The following ACO1 variants were observed in gnomAD, a reference collection of about 807,000 sequenced individuals.
ACO1 encodes cytoplasmic aconitate hydratase.
In ACO1, 78 loss-of-function variants were observed where a neutral mutation model predicts 105.1. That is an observed-to-expected ratio of 0.74 (90% CI 0.62 to 0.90). The LOEUF (loss-of-function observed/expected upper bound fraction) is 0.90, where lower values mean the gene tolerates loss of function less well. Ranked by LOEUF, ACO1 falls within the 40% of genes least tolerant of loss-of-function variation. ACO1 has a pLI of 0.00. For synonymous variants in ACO1, 364 were observed against 397.4 expected (o/e 0.92, Z 1.00); for missense variants, 965 against 1,111.1 (o/e 0.87, Z 1.87).
At chr9:32,412,293 C>A (rs4879583) in intron 4 of ACO1, among the ~76,000 whole-genome samples, 20,692 of 152,136 alleles carry the variant, frequency 0.14, 1,653 homozygotes, top group East Asian at 0.34. Flanking sequence ...ACATAAGCTA[C>A]ATGGAAAATG....
chr9:32,407,699 G>A (rs1318216386), intron 3 of ACO1, among the ~76,000 whole-genome samples: 2 of 152,194 alleles, frequency 1.3e-5, no homozygotes, highest in African/African-American at 4.8e-5. Context: ...AAAGATCCTA[G>A]TCCTGAGTAT....
At chr9:32,428,053 T>C (rs1022467624) in intron 12 of ACO1, among the ~76,000 whole-genome samples, 1 of 151,980 alleles carries the variant, frequency 6.6e-6, no homozygotes, top group Non-Finnish European at 1.5e-5. Flanking sequence ...GGCAAGAGGA[T>C]TGCTTCAAGC....
Position 32,454,315 on chromosome 9 carries a change from T to G in ACO1, c.*4204T>G, listed in dbSNP as rs973353352. 14 of 152,210 alleles carry G rather than the reference T, an allele frequency of 9.2e-5. No homozygotes were observed. Among genetic ancestry groups the G allele is most frequent in the Non-Finnish European group, 1.6e-4 (11 of 68,044 alleles). The allele number at this position is 152,210 out of a possible 1,614,324, so 9.4% of individuals were successfully genotyped here. On this transcript the variant is annotated 3_prime_UTR_variant, in exon 21 of 21. Coordinates refer to ENST00000309951, the MANE Select transcript of ACO1 (RefSeq NM_002197.3). ...AGGATACTCTTGAGAAACATTGAGC[T>G]ATGGTTGGTCTGTTGTTTGAAATTC...
At chr9:32,425,771 C>G (rs1822076842) in intron 10 of ACO1, 67 bp from the exon 11 acceptor site, 2 of 1,168,230 alleles carry the variant, frequency 1.7e-6, no homozygotes, top group South Asian at 1.6e-5. Context: ...GTATTTTCCT[C>G]TAGCCAGATA....
chr9:32,393,164 C>CG (rs890385053), intron 1 of ACO1, among the ~76,000 whole-genome samples: 19 of 151,986 alleles, frequency 1.3e-4, no homozygotes, highest in African/African-American at 3.6e-4. Context: ...GCCGGTGAGC[C>CG]GGGGGGGAAA....
At chr9:32,436,546 T>C in intron 18 of ACO1, 149 bp downstream of exon 18, 1 of 853,576 alleles carries the variant, frequency 1.2e-6, no homozygotes, top group Non-Finnish European at 1.8e-6. Flanking sequence ...GGTGTCCATA[T>C]GCATAGAATG....
chr9:32,442,852 A>G (rs1412745202), intron 19 of ACO1, among the ~76,000 whole-genome samples: 2 of 152,212 alleles, frequency 1.3e-5, no homozygotes, highest in African/African-American at 4.8e-5. Flanking sequence ...AAAGGGGGAC[A>G]ATAAGGGCAT....
In ACO1 at chr9:32,405,494, GC is replaced by G; in HGVS notation, c.-11del. On this transcript the variant is annotated 5_prime_UTR_variant, in exon 2 of 21. Transcript: ENST00000309951. Reference sequence around the variant, plus strand: ...TCTCTTTTCTTTTCAGGAACACGTGGCCATCAGTAATCATGAGCAACCCATT... The same window carrying G: ...TCTCTTTTCTTTTCAGGAACACGTGGCATCAGTAATCATGAGCAACCCATT... 1 of 1,592,656 alleles carries G rather than the reference GC, an allele frequency of 6.3e-7. No individual in the cohort carries two copies. Among genetic ancestry groups the G allele is most frequent in the Non-Finnish European group, 8.6e-7 (1 of 1,161,080 alleles).
chr9:32,407,793 G>A (rs1377733660), intron 3 of ACO1, among the ~76,000 whole-genome samples: 3 of 152,150 alleles, frequency 2.0e-5, no homozygotes, highest in Non-Finnish European at 2.9e-5. Context: ...CAGGAAACCA[G>A]GTGTGTCAAA....
chr9:32,417,172 C>T (rs1210681024), intron 4 of ACO1, among the ~76,000 whole-genome samples: 2 of 152,254 alleles, frequency 1.3e-5, no homozygotes, highest in Admixed American at 1.3e-4. Context: ...CTCAGTTTCC[C>T]CACTTGAAAA....
At chr9:32,409,272 T>C (rs1251281368) in intron 4 of ACO1, among the ~76,000 whole-genome samples, 1 of 152,232 alleles carries the variant, frequency 6.6e-6, no homozygotes, top group Non-Finnish European at 1.5e-5. Flanking sequence ...CCTGTAGCCC[T>C]TGAAGGGAAG....
chr9:32,427,174 A>T (rs1052818298), intron 11 of ACO1, 127 bp from the exon 12 acceptor site: 1 of 1,213,782 alleles, frequency 8.2e-7, no homozygotes, highest in Non-Finnish European at 1.1e-6. Flanking sequence ...TAGCGCCAAC[A>T]TGAAGGGAGC....
chr9:32,403,150 G>A (rs1437255500), intron 1 of ACO1, among the ~76,000 whole-genome samples: 1 of 152,190 alleles, frequency 6.6e-6, no homozygotes, highest in Non-Finnish European at 1.5e-5. Flanking sequence ...GGTGTTGGGT[G>A]GCAGAAAGAG....
intron 2 of ACO1, among the ~76,000 whole-genome samples, chr9:32,405,931 G>A (rs1821600410): frequency 6.6e-6 from 1 of 152,182 alleles, no homozygotes; most frequent in Non-Finnish European, 1.5e-5. Context: ...AATGACACAT[G>A]CTCAGATCAC....
chr9:32,392,075 A>C (rs1002717791), intron 1 of ACO1, among the ~76,000 whole-genome samples: 1 of 152,250 alleles, frequency 6.6e-6, no homozygotes, highest in Non-Finnish European at 1.5e-5. Flanking sequence ...TTTAGGGAAC[A>C]TGAGGTTTAC....
At chr9:32,449,929 C>G in intron 20 of ACO1, 69 bp from the exon 21 acceptor site, 1 of 1,270,282 alleles carries the variant, frequency 7.9e-7, no homozygotes, top group Non-Finnish European at 1.1e-6. Context: ...GCAGGCTGGG[C>G]AGAATTTCCT....
chr9:32,441,742 C>G (rs1822485099), intron 19 of ACO1, among the ~76,000 whole-genome samples: 1 of 152,142 alleles, frequency 6.6e-6, no homozygotes, highest in African/African-American at 2.4e-5. Context: ...GAGAACTGGC[C>G]CCCAGGGGTT....
chr9:32,396,208 T>G (rs896016717), intron 1 of ACO1, among the ~76,000 whole-genome samples: 2 of 152,228 alleles, frequency 1.3e-5, no homozygotes, highest in African/African-American at 2.4e-5. Flanking sequence ...ATGAGTTAAT[T>G]TCTTATCAAA....
intron 1 of ACO1, among the ~76,000 whole-genome samples, chr9:32,399,966 G>GTTTTTTTTTTTTTTTTTTTTTTTTCTTT (rs57615512): frequency 7.2e-5 from 5 of 69,838 alleles, no homozygotes; most frequent in Admixed American, 2.2e-4. Flanking sequence ...TTCTTTTTCT[G>GTTTTTTTTTTTTTTTTTTTTTTTTCTTT]TTTTTTTTTT....
Sources: gnomAD v4.1 joint callset for allele counts (sites outside exome capture counted in the v4.1 genomes callset) on GRCh38, gnomAD v4.1.1 for gene constraint, MANE v1.5 for transcripts, NCBI Gene and HGNC (gene_info 2026-07-23, HGNC 2026-07-21) for gene names.